FARS2: variants seen among roughly 807,000 people sequenced by gnomAD.
FARS2 encodes the protein phenylalanine--tRNA ligase, mitochondrial.
FARS2 carries 40 observed loss-of-function variants against 46.4 expected under a neutral mutation model. The ratio of observed to expected loss-of-function variants is 0.86; its 90% confidence interval spans 0.67 to 1.12. The LOEUF (loss-of-function observed/expected upper bound fraction) is 1.12. Among genes scored for constraint, FARS2 ranks in the 50% most tolerant of loss-of-function variants. The pLI, the probability that FARS2 is intolerant of heterozygous loss-of-function variation, is 0.00. For missense variants in FARS2, 513 were observed against 567.9 expected, an observed-to-expected ratio of 0.90 and a Z score of 0.98; for synonymous variants, 234 against 214.9, an observed-to-expected ratio of 1.09 and a Z score of -0.78.
At chr6:5,761,808 TA>T (rs79057006) in intron 6 of FARS2, among the ~76,000 whole-genome samples, 20,405 of 105,858 alleles carry the variant, frequency 0.19, 1,643 homozygotes, top group African/African-American at 0.29. Flanking sequence ...GTGGAGGATC[TA>T]AAAAAAAAAA....
chr6:5,724,615 G>A (rs940171029), intron 6 of FARS2, among the ~76,000 whole-genome samples: 2 of 152,208 alleles, frequency 1.3e-5, no homozygotes, highest in African/African-American at 4.8e-5. Flanking sequence ...CCTGAGCCTG[G>A]TGCTCTACGG....
chr6:5,506,721 C>T (rs1308764223), intron 4 of FARS2, among the ~76,000 whole-genome samples: 1 of 152,206 alleles, frequency 6.6e-6, no homozygotes, highest in Non-Finnish European at 1.5e-5. Flanking sequence ...AGCTAATAGA[C>T]ATGGCAACTG....
At chr6:5,722,115 T>TA (rs1214509858) in intron 6 of FARS2, among the ~76,000 whole-genome samples, 7 of 152,200 alleles carry the variant, frequency 4.6e-5, no homozygotes, top group South Asian at 2.1e-4. Flanking sequence ...TGTGAGATGG[T>TA]AAAAAATGCA....
intron 2 of FARS2, among the ~76,000 whole-genome samples, chr6:5,370,074 G>A (rs1758955362): frequency 6.6e-6 from 1 of 152,072 alleles, no homozygotes; most frequent in South Asian, 2.1e-4. Flanking sequence ...ATGTTCACTG[G>A]AACAGGAGGA....
chr6:5,674,397 G>A (rs1778648871), intron 6 of FARS2, among the ~76,000 whole-genome samples: 1 of 152,012 alleles, frequency 6.6e-6, no homozygotes, highest in Admixed American at 6.6e-5. Context: ...GTTTTTGACA[G>A]GGATATTAAG....
rs188825574 is a variant in FARS2 at position 5,374,317 on chromosome 6, T to C, written c.612+5135T>C. 4.8e-3 allele frequency among the ~76,000 whole-genome samples: 724 copies of C among 152,206 alleles called. 8 individuals carry two copies. The highest frequency in any genetic ancestry group is 0.017 in the African/African-American group (687 of 41,536). ...GTCAGTCAAAAACATTGGCTGAATA[T>C]GTACTGGGATTCAAGACTGTAAGAA... On this transcript the variant is annotated intron_variant, in intron 2 of 6. Coordinates refer to ENST00000274680, the MANE Select transcript of FARS2 (RefSeq NM_006567.5).
chr6:5,731,032 G>C (rs1048601922), intron 6 of FARS2, among the ~76,000 whole-genome samples: 3 of 152,144 alleles, frequency 2.0e-5, no homozygotes, highest in Non-Finnish European at 4.4e-5. Flanking sequence ...CATTTGTCTG[G>C]AGAAAACACT....
chr6:5,672,934 C>T (rs749340149), intron 6 of FARS2, among the ~76,000 whole-genome samples: 6 of 152,082 alleles, frequency 3.9e-5, no homozygotes, highest in Non-Finnish European at 7.3e-5. Flanking sequence ...CCCTCTGGGC[C>T]CTCTTTCTGT....
chr6:5,492,568 G>C (rs1210292575), intron 4 of FARS2, among the ~76,000 whole-genome samples: 1 of 152,176 alleles, frequency 6.6e-6, no homozygotes. Flanking sequence ...AATATTTATT[G>C]AGTATCTGCT....
chr6:5,754,272 C>G (rs1762097811), intron 6 of FARS2, among the ~76,000 whole-genome samples: 1 of 152,186 alleles, frequency 6.6e-6, no homozygotes, highest in African/African-American at 2.4e-5. Context: ...GCGCTCTCAG[C>G]CCTTCTGCTG....
intron 2 of FARS2, among the ~76,000 whole-genome samples, chr6:5,383,527 C>T (rs963708662): frequency 6.6e-6 from 1 of 151,630 alleles, no homozygotes; most frequent in African/African-American, 2.4e-5. Flanking sequence ...AACGTTAACA[C>T]TCTGAACTTC....
intron 4 of FARS2, among the ~76,000 whole-genome samples, chr6:5,518,559 A>G (rs1768949480): frequency 6.6e-6 from 1 of 152,174 alleles, no homozygotes. Flanking sequence ...TGCTGGAAGA[A>G]CATTGACTTT....
intron 5 of FARS2, among the ~76,000 whole-genome samples, chr6:5,602,305 T>C (rs1774566534): frequency 6.6e-6 from 1 of 152,182 alleles, no homozygotes; most frequent in Admixed American, 6.5e-5. Flanking sequence ...AGAATGTTTA[T>C]GAACAGATTC....
At chr6:5,420,808 C>A (rs997113261) in intron 3 of FARS2, among the ~76,000 whole-genome samples, 1 of 152,136 alleles carries the variant, frequency 6.6e-6, no homozygotes, top group Non-Finnish European at 1.5e-5. Flanking sequence ...TGGAGCTTAT[C>A]CCATCCCAGA....
intron 6 of FARS2, among the ~76,000 whole-genome samples, chr6:5,648,939 T>C (rs908563038): frequency 1.3e-5 from 2 of 152,170 alleles, no homozygotes; most frequent in African/African-American, 2.4e-5. Flanking sequence ...AGTTGTTGAA[T>C]GAATGAATAC....
At chr6:5,512,661 A>G (rs1490843009) in intron 4 of FARS2, among the ~76,000 whole-genome samples, 1 of 152,048 alleles carries the variant, frequency 6.6e-6, no homozygotes, top group Admixed American at 6.6e-5. Flanking sequence ...TTCAAATGTG[A>G]TAAAGACATT....
At chr6:5,637,778 T>A (rs895091873) in intron 6 of FARS2, among the ~76,000 whole-genome samples, 1 of 152,180 alleles carries the variant, frequency 6.6e-6, no homozygotes, top group African/African-American at 2.4e-5. Flanking sequence ...GTAGATGGTG[T>A]CTTCTCCCTG....
At chr6:5,647,614 A>T (rs1283752085) in intron 6 of FARS2, among the ~76,000 whole-genome samples, 1 of 152,242 alleles carries the variant, frequency 6.6e-6, no homozygotes, top group African/African-American at 2.4e-5. Context: ...CACCCAAATC[A>T]CTGCCTTCTT....
intron 6 of FARS2, among the ~76,000 whole-genome samples, chr6:5,696,077 C>G (rs115103290): frequency 6.6e-6 from 1 of 152,146 alleles, no homozygotes; most frequent in East Asian, 1.9e-4. Flanking sequence ...TGCTGTCAAG[C>G]GTGCAGGACA....
Sources: allele counts gnomAD v4.1 joint callset (sites outside exome capture counted in the v4.1 genomes callset), GRCh38; gene constraint gnomAD v4.1.1; transcripts MANE v1.5; gene names NCBI Gene and HGNC (gene_info 2026-07-23, HGNC 2026-07-21).